Variants in CLYBL observed in about 807,000 individuals in gnomAD.
The protein encoded by CLYBL is citramalyl-CoA lyase, mitochondrial.
In CLYBL, 31 loss-of-function variants were observed where a neutral mutation model predicts 38.9. The ratio of observed to expected loss-of-function variants is 0.80; its 90% CI spans 0.60 to 1.08. CLYBL has a LOEUF of 1.08. CLYBL is among the 50% of genes least tolerant of loss of function. CLYBL has a pLI of 0.00. For missense variants in CLYBL, 434 were observed against 411.6 expected (o/e 1.05, Z -0.47); for synonymous variants, 171 against 158.6 (o/e 1.08, Z -0.59).
intron 2 of CLYBL, among the ~76,000 whole-genome samples, chr13:99,796,433 C>G (rs1234338030): frequency 3.9e-5 from 6 of 152,108 alleles, no homozygotes; most frequent in African/African-American, 1.2e-4. Flanking sequence ...GAGATTGATT[C>G]CAGAGAACAT....
At chr13:99,807,717 G>C (rs2050259843) in intron 2 of CLYBL, among the ~76,000 whole-genome samples, 1 of 152,114 alleles carries the variant, frequency 6.6e-6, no homozygotes, top group Admixed American at 6.5e-5. Flanking sequence ...ATGGACGGTG[G>C]TGATGGTTGC....
chr13:99,629,142 T>C (rs973529901), intron 1 of CLYBL, among the ~76,000 whole-genome samples: 28 of 152,160 alleles, frequency 1.8e-4, no homozygotes, highest in Admixed American at 6.5e-5. Flanking sequence ...GGCTTATGCA[T>C]TGGAGGGTTC....
At chr13:99,637,590 G>T (rs1004411866) in intron 1 of CLYBL, among the ~76,000 whole-genome samples, 2 of 152,104 alleles carry the variant, frequency 1.3e-5, no homozygotes, top group African/African-American at 4.8e-5. Context: ...GTGAAACCCT[G>T]TCTTTACTAA....
chr13:99,907,641 T>C (rs529137848), intron 9 of CLYBL, among the ~76,000 whole-genome samples: 2 of 152,142 alleles, frequency 1.3e-5, no homozygotes, highest in Non-Finnish European at 2.9e-5. Context: ...GAGGATTGCC[T>C]GAGGCCAAGA....
chr13:99,647,555 C>T (rs114705384), intron 1 of CLYBL, among the ~76,000 whole-genome samples: 1,748 of 151,746 alleles, frequency 0.012, 41 homozygotes, highest in African/African-American at 0.04. Context: ...ACTAATTAAA[C>T]AAACAGATTC....
At chr13:99,833,683 CTT>C (rs35378080) in intron 2 of CLYBL, among the ~76,000 whole-genome samples, 1 of 56,112 alleles carries the variant, frequency 1.8e-5, no homozygotes, top group Admixed American at 2.8e-4. Flanking sequence ...TACCGTGTTG[CTT>C]TTTTTTTTTT....
At chr13:99,726,864 A>G (rs992657434) in intron 1 of CLYBL, among the ~76,000 whole-genome samples, 18 of 152,338 alleles carry the variant, frequency 1.2e-4, no homozygotes, top group African/African-American at 3.6e-4. Flanking sequence ...GATGTACATC[A>G]GAACCTGGTT....
intron 1 of CLYBL, among the ~76,000 whole-genome samples, chr13:99,611,874 A>T (rs1301988796): frequency 6.6e-6 from 1 of 152,224 alleles, no homozygotes; most frequent in African/African-American, 2.4e-5. Context: ...AAGTTGTCAC[A>T]TTCACGTGCC....
intron 2 of CLYBL, among the ~76,000 whole-genome samples, chr13:99,828,062 A>G (rs1473238974): frequency 6.6e-6 from 1 of 152,222 alleles, no homozygotes; most frequent in African/African-American, 2.4e-5. Context: ...TGCAGGACCC[A>G]CGGATTGCAG....
intron 1 of CLYBL, among the ~76,000 whole-genome samples, chr13:99,709,029 G>A (rs1016489874): frequency 6.6e-6 from 1 of 151,956 alleles, no homozygotes. Flanking sequence ...GGGGGCGGAG[G>A]TTCCAGTGAA....
At chr13:99,751,575 A>G (rs757998092) in intron 1 of CLYBL, among the ~76,000 whole-genome samples, 1 of 152,222 alleles carries the variant, frequency 6.6e-6, no homozygotes, top group Non-Finnish European at 1.5e-5. Flanking sequence ...GGACAAATAC[A>G]GTGTGATTCC....
chr13:99,639,985 T>C (rs777937738), intron 1 of CLYBL, among the ~76,000 whole-genome samples: 11 of 152,268 alleles, frequency 7.2e-5, no homozygotes, highest in Non-Finnish European at 1.6e-4. Context: ...AGTGAAATTA[T>C]GCAGGAAAAT....
intron 3 of CLYBL, among the ~76,000 whole-genome samples, chr13:99,862,167 GATAT>G (rs1412003150): frequency 2.0e-5 from 3 of 152,124 alleles, no homozygotes; most frequent in African/African-American, 7.2e-5. Context: ...ATTTAAAATG[GATAT>G]ATATGTTTTC....
intron 2 of CLYBL, among the ~76,000 whole-genome samples, chr13:99,826,272 G>T (rs531533810): frequency 3.4e-4 from 52 of 152,266 alleles, no homozygotes; most frequent in African/African-American, 1.3e-3. Flanking sequence ...TTAGTTGAAG[G>T]TCCTACAAGC....
intron 1 of CLYBL, among the ~76,000 whole-genome samples, chr13:99,640,215 A>G (rs1448217764): frequency 6.6e-6 from 1 of 152,234 alleles, no homozygotes; most frequent in African/African-American, 2.4e-5. Flanking sequence ...AATTGAATAG[A>G]TTGGACAATT....
intron 1 of CLYBL, among the ~76,000 whole-genome samples, chr13:99,685,712 A>G (rs941618929): frequency 4.6e-5 from 7 of 152,180 alleles, no homozygotes; most frequent in African/African-American, 1.7e-4. Flanking sequence ...CTGTAATCCC[A>G]GCACTTTGGG....
intron 1 of CLYBL, among the ~76,000 whole-genome samples, chr13:99,636,907 C>T (rs1367814442): frequency 7.2e-5 from 11 of 152,166 alleles, no homozygotes; most frequent in Non-Finnish European, 1.2e-4. Flanking sequence ...TTTAGACTTA[C>T]TCTCTCGCCC....
chr13:99,880,046 G>A (rs1489564397), intron 7 of CLYBL, among the ~76,000 whole-genome samples: 1 of 67,622 alleles, frequency 1.5e-5, no homozygotes, highest in Non-Finnish European at 3.1e-5. Context: ...ATATATGTGT[G>A]TATGTATATA....
chr13:99,639,616 G>A (rs1453870157), intron 1 of CLYBL, among the ~76,000 whole-genome samples: 3 of 152,170 alleles, frequency 2.0e-5, no homozygotes, highest in Non-Finnish European at 4.4e-5. Flanking sequence ...ATTTGGGCTG[G>A]ATGTGGTGAC....
Sources: gnomAD v4.1 joint callset for allele counts (sites outside exome capture counted in the v4.1 genomes callset) on GRCh38, gnomAD v4.1.1 for gene constraint, MANE v1.5 for transcripts, NCBI Gene and HGNC (gene_info 2026-07-23, HGNC 2026-07-21) for gene names.